Variants in POLN observed in about 807,000 individuals in gnomAD.
The protein encoded by POLN is DNA polymerase N.
A neutral mutation model predicts 113.5 loss-of-function variants in POLN; 108 were observed. The observed-to-expected ratio is 0.95, with a 90% CI of 0.81 to 1.12. The LOEUF is 1.12. Among genes scored for constraint, POLN ranks in the 50% most tolerant of loss-of-function variants. The pLI is 0.00. For missense variants in POLN, 1,097 were observed against 1,077.1 expected (o/e 1.02, Z -0.26); for synonymous variants, 386 against 391.5 (o/e 0.99, Z 0.17).
intron 23 of POLN, chr4:2,076,350 GACAC>G (rs1730275632): frequency 6.6e-6 from 1 of 152,536 alleles, no homozygotes; most frequent in African/African-American, 2.4e-5. Flanking sequence ...GGAAACGGGT[GACAC>G]ACACCTTGGG....
intron 2 of POLN, chr4:2,234,387 CTAAAGGGGGTGATGT>C: frequency 6.6e-6 from 1 of 152,542 alleles, no homozygotes; most frequent in Non-Finnish European, 1.5e-5. Flanking sequence ...GCAATGACTG[CTAAAGGGGGTGATGT>C]CTCTGTGTGC....
At chr4:2,226,298 T>C (rs1293565668) in intron 3 of POLN, among the ~76,000 whole-genome samples, 2 of 152,204 alleles carry the variant, frequency 1.3e-5, no homozygotes, top group East Asian at 1.9e-4. Context: ...GCAACAAGAC[T>C]GAGCCATGTA....
At chr4:2,180,235 A>G (rs28688174) in intron 7 of POLN, among the ~76,000 whole-genome samples, 37,510 of 152,084 alleles carry the variant, frequency 0.25, 7,143 homozygotes, top group African/African-American at 0.52. Context: ...AAGTAAATAC[A>G]ATATTTGCTA....
chr4:2,166,006 G>T (rs1432318951), intron 13 of POLN, among the ~76,000 whole-genome samples: 1 of 152,044 alleles, frequency 6.6e-6, no homozygotes, highest in Non-Finnish European at 1.5e-5. Flanking sequence ...TGAACTCCTG[G>T]CCTCAAGTGA....
At chr4:2,124,675 C>CGG (rs1731534703) in intron 19 of POLN, among the ~76,000 whole-genome samples, 1 of 152,090 alleles carries the variant, frequency 6.6e-6, no homozygotes, top group Admixed American at 6.6e-5. Context: ...TTCCCAGGAG[C>CGG]GGGGGCACAG....
In POLN at chr4:2,126,401, C is replaced by T. The variant is rs1232654302; in HGVS notation, c.1982+1712G>A. ...TTCAAACGCAAGTTTGCGTTCTATA[C>T]TATTCATTCATTTATTTGACAAATC... On this transcript the variant is annotated intron_variant, in intron 19 of 25. Transcript: ENST00000511885. This position sits in a 1 kb window ranked among gnomAD's most constrained non-coding sequence, Gnocchi z 4.6. 2.6e-5 allele frequency among the ~76,000 whole-genome samples: 4 copies of T among 152,178 alleles called. No homozygotes were observed. The highest frequency in any genetic ancestry group is 1.3e-4 in the Admixed American group (2 of 15,278).
At chr4:2,173,546 C>A (rs1208092936) in intron 11 of POLN, among the ~76,000 whole-genome samples, 4 of 152,074 alleles carry the variant, frequency 2.6e-5, no homozygotes, top group African/African-American at 9.7e-5. Flanking sequence ...GTCTCTGTGT[C>A]TATTTTCCCA....
chr4:2,218,230 G>A (rs992454082), intron 3 of POLN, among the ~76,000 whole-genome samples: 2 of 148,158 alleles, frequency 1.3e-5, no homozygotes, highest in African/African-American at 5.1e-5. Flanking sequence ...TCGGGAGTTC[G>A]AGACCACCCT....
In POLN at chr4:2,075,453, T is replaced by C. The variant is rs1356651163; in HGVS notation, c.2454A>G (p.Ala818=). The change falls in exon 24 of 26, where the codon GCA becomes GCG. Residue 818 remains alanine (A), a splice_region_variant and synonymous_variant. Coordinates refer to ENST00000511885, the MANE Select transcript of POLN (RefSeq NM_181808.4). ...EVEDPQIPEC[A]ALVRRTMESL... Reference sequence around the variant, plus strand: ...CAACCCTGTGTTGCCCCAGGCTACCTGCACACTCCGGGATCTGCGGATCTT... The same window carrying C: ...CAACCCTGTGTTGCCCCAGGCTACCCGCACACTCCGGGATCTGCGGATCTT... 1 of 1,613,372 alleles carries C rather than the reference T, an allele frequency of 6.2e-7. No homozygotes were observed. The highest frequency in any genetic ancestry group is 1.3e-5 in the African/African-American group (1 of 75,072).
rs766388861 is a variant in POLN at position 2,075,463 on chromosome 4, G to A, written c.2444C>T (p.Pro815Leu). 1.1e-5 allele frequency: 17 copies of A among 1,613,510 alleles called. No homozygotes were observed. The highest frequency in any genetic ancestry group is 2.7e-5 in the African/African-American group (2 of 75,072). The change falls in exon 24 of 26, where the codon CCG becomes CTG. Residue 815 changes from proline to leucine, a missense_variant. Coordinates refer to ENST00000511885, the MANE Select transcript of POLN (RefSeq NM_181808.4). ...TTGCCCCAGGCTACCTGCACACTCC[G>A]GGATCTGCGGATCTTCCACTTCAAA... ...LLFEVEDPQIPECAALVRRTM... is the reference protein window; with the variant it reads ...LLFEVEDPQILECAALVRRTM...
At chr4:2,233,725 G>T (rs1033505658) in intron 2 of POLN, among the ~76,000 whole-genome samples, 4 of 152,066 alleles carry the variant, frequency 2.6e-5, no homozygotes, top group African/African-American at 9.7e-5. Context: ...CATCTAAAAA[G>T]ATCTTTTCTA....
intron 16 of POLN, among the ~76,000 whole-genome samples, chr4:2,133,996 C>T (rs1483510337): frequency 2.0e-5 from 3 of 152,214 alleles, no homozygotes; most frequent in Non-Finnish European, 4.4e-5. Flanking sequence ...CGGAGCTTTA[C>T]TTATCCAACC....
chr4:2,078,473 CT>C (rs943435658), intron 23 of POLN: 93,483 of 519,196 alleles, frequency 0.18, 1 homozygote, highest in Non-Finnish European at 0.21. Context: ...TCTTCTTCTT[CT>C]TTTTTTTTTT....
At chr4:2,236,447 T>C (rs959738471) in intron 2 of POLN, 3 of 1,606,916 alleles carry the variant, frequency 1.9e-6, no homozygotes, top group Non-Finnish European at 2.6e-6. Flanking sequence ...CCTCCAAAAC[T>C]TGGTAAAGCC....
In POLN at chr4:2,093,087, T is replaced by C. The variant is rs1353467983; in HGVS notation, c.2065+2764A>G. ...TGCTTATTTACAAAATGTAGCTCTT[T>C]TCCTCTCCAGAAAAAAAAAAAAAGT... On this transcript the variant is annotated intron_variant, in intron 20 of 25. Transcript: ENST00000511885. The surrounding 1 kb of genome is among the most constrained non-coding windows in gnomAD (Gnocchi z 4.1). 6.6e-6 allele frequency among the ~76,000 whole-genome samples: 1 copy of C among 151,748 alleles called. No homozygotes were observed. The highest frequency in any genetic ancestry group is 2.4e-5 in the African/African-American group (1 of 41,010).
chr4:2,170,380 G>T (rs546784741), intron 13 of POLN, among the ~76,000 whole-genome samples: 1 of 152,218 alleles, frequency 6.6e-6, no homozygotes, highest in South Asian at 2.1e-4. Context: ...TTGGGGACAC[G>T]AAGCAAAGAG....
chr4:2,128,601 T>C (rs1266774979), intron 18 of POLN, among the ~76,000 whole-genome samples: 1 of 151,694 alleles, frequency 6.6e-6, no homozygotes, highest in Non-Finnish European at 1.5e-5. Context: ...GGGCCTGGAG[T>C]GGAGCTGACT....
At chr4:2,125,091 A>G (rs952586781) in intron 19 of POLN, among the ~76,000 whole-genome samples, 4 of 152,240 alleles carry the variant, frequency 2.6e-5, no homozygotes, top group Non-Finnish European at 4.4e-5. Flanking sequence ...GAACGAGGAA[A>G]TCAACAAAGG....
chr4:2,103,549 A>G (rs974437692), intron 19 of POLN, among the ~76,000 whole-genome samples: 3 of 152,236 alleles, frequency 2.0e-5, no homozygotes, highest in Non-Finnish European at 4.4e-5. Flanking sequence ...ATAAAATAGT[A>G]TATGAAAAAT....
Sources: allele counts gnomAD v4.1 joint callset (sites outside exome capture counted in the v4.1 genomes callset), GRCh38; gene constraint gnomAD v4.1.1; non-coding constraint Gnocchi (gnomAD v3.1); transcripts MANE v1.5; gene names NCBI Gene and HGNC (gene_info 2026-07-23, HGNC 2026-07-21).